Variants in PIGF observed in about 807,000 individuals in gnomAD.
PIGF encodes GPI ethanolamine phosphate transferase, stabilizing subunit.
PIGF carries 23 observed loss-of-function variants against 26.0 expected under a neutral mutation model. That is an observed-to-expected ratio of 0.88 (90% confidence interval 0.64 to 1.25). The LOEUF (loss-of-function observed/expected upper bound fraction) is 1.25, where lower values mean the gene tolerates loss of function less well. Ranked by LOEUF, PIGF falls within the 50% of genes most tolerant of loss-of-function variation. The pLI, the probability that PIGF is intolerant of heterozygous loss-of-function variation, is 0.00. For synonymous variants in PIGF, 93 were observed against 92.6 expected, an observed-to-expected ratio of 1.00 and a Z score of -0.03; for missense variants, 278 against 249.9, an observed-to-expected ratio of 1.11 and a Z score of -0.76.
intron 4 of PIGF, among the ~76,000 whole-genome samples, chr2:46,611,704 T>G (rs550741599): frequency 6.6e-6 from 1 of 152,178 alleles, no homozygotes; most frequent in African/African-American, 2.4e-5. Flanking sequence ...AACTTAGCCA[T>G]GCTGAAAATA....
intron 5 of PIGF, among the ~76,000 whole-genome samples, chr2:46,590,517 C>G (rs975580440): frequency 1.7e-5 from 1 of 59,102 alleles, no homozygotes; most frequent in Non-Finnish European, 3.2e-5. Context: ...TAATGTATTG[C>G]ATCATATACA....
intron 5 of PIGF, among the ~76,000 whole-genome samples, chr2:46,584,924 A>G (rs770162549): frequency 6.6e-6 from 1 of 152,182 alleles, no homozygotes; most frequent in Non-Finnish European, 1.5e-5. Context: ...TATTCTAAAA[A>G]TTTTTAAACT....
intron 5 of PIGF, 174 bp from the exon 6 acceptor site, chr2:46,581,765 G>A (rs1669387796): frequency 4.4e-6 from 4 of 904,550 alleles, no homozygotes; most frequent in Non-Finnish European, 6.3e-6. Context: ...ACACATTTTA[G>A]TTAATGTGCA....
rs553479846 is a variant in PIGF at position 46,608,945 on chromosome 2, A to G, written c.437+3283T>C. Among the ~76,000 whole-genome samples, 19 of 152,344 alleles carry G rather than the reference A, an allele frequency of 1.2e-4. No homozygotes were observed. In the South Asian group the frequency reaches 3.7e-3, roughly 30 times the overall value. On this transcript the variant is annotated intron_variant, in intron 4 of 5. Coordinates refer to ENST00000281382, the MANE Select transcript of PIGF (RefSeq NM_002643.4). ...AGGATTTGCAAAATGGTAAATTAGC[A>G]TTGACTTCAACTAAAGTCTCTGGCT... is the stretch of plus-strand genomic sequence containing the variant.
At chr2:46,611,576 A>C (rs1188105896) in intron 4 of PIGF, among the ~76,000 whole-genome samples, 1 of 152,218 alleles carries the variant, frequency 6.6e-6, no homozygotes, top group Non-Finnish European at 1.5e-5. Flanking sequence ...GTGCTCAAGA[A>C]GTTCTTGCTG....
At chr2:46,615,340 C>CGGCATCTTATAGATGTGCATCTAT in intron 1 of PIGF, 155 bp from the exon 2 acceptor site, 1 of 512,034 alleles carries the variant, frequency 2.0e-6, no homozygotes, top group South Asian at 2.3e-5. Context: ...GATGCACATA[C>CGGCATCTTATAGATGTGCATCTAT]AGACTTAGCT....
At chr2:46,598,690 A>G (rs1669965759) in intron 4 of PIGF, among the ~76,000 whole-genome samples, 1 of 152,120 alleles carries the variant, frequency 6.6e-6, no homozygotes, top group Non-Finnish European at 1.5e-5. Context: ...GAAGAGTGGG[A>G]ATAGGGTATG....
rs745416853 is a variant in PIGF at position 46,613,753 on chromosome 2, A to G, written c.261T>C (p.Phe87=). Residue 87 remains phenylalanine (F), a synonymous_variant, in exon 3 of 6, where the codon TTT becomes TTC. Coordinates refer to ENST00000281382, the MANE Select transcript of PIGF (RefSeq NM_002643.4). ...VTGFLKCCIY[F]LMSCFSFHVI... is the part of the protein sequence containing the mutation. ...CATGAAAGGAGAAACAAGACATAAG[A>G]AAGTAGATACAGCATTTCAAAAATC... is the stretch of plus-strand genomic sequence containing the variant. 8 of 1,552,642 alleles carry G rather than the reference A, an allele frequency of 5.2e-6. No homozygotes were observed. In the Admixed American group the frequency reaches 8.7e-5, roughly 17 times the overall value.
chr2:46,607,049 C>A (rs865960509), intron 4 of PIGF, among the ~76,000 whole-genome samples: 1 of 152,122 alleles, frequency 6.6e-6, no homozygotes, highest in Non-Finnish European at 1.5e-5. Flanking sequence ...CCAGGATAGG[C>A]AAATCTATAG....
intron 5 of PIGF, chr2:46,582,312 A>ATT (rs1387660527): frequency 5.3e-5 from 8 of 152,008 alleles, no homozygotes; most frequent in Non-Finnish European, 1.2e-4. Context: ...TTGGAGGAAA[A>ATT]TTTTCATGTT....
intron 4 of PIGF, among the ~76,000 whole-genome samples, chr2:46,593,546 C>G (rs1359032467): frequency 6.6e-6 from 1 of 152,188 alleles, no homozygotes; most frequent in Non-Finnish European, 1.5e-5. Context: ...ATTCTGCCTA[C>G]CGTTCCTATT....
At chr2:46,596,531 TTAAAG>T (rs773519411) in intron 4 of PIGF, among the ~76,000 whole-genome samples, 9 of 152,220 alleles carry the variant, frequency 5.9e-5, no homozygotes, top group Admixed American at 3.9e-4. Flanking sequence ...TGTGACATCT[TTAAAG>T]TAAAGGAGTA....
intron 4 of PIGF, among the ~76,000 whole-genome samples, chr2:46,611,347 G>C (rs185654237): frequency 1.4e-4 from 22 of 152,128 alleles, no homozygotes; most frequent in African/African-American, 5.3e-4. Flanking sequence ...AGCTGGGCAT[G>C]GTGGCATGCA....
Position 46,588,034 on chromosome 2 carries a change from C to T in PIGF, c.546+4441G>A. 1.3e-6 allele frequency: 2 copies of T among 1,493,048 alleles called. No individual in the cohort carries two copies. The highest frequency in any genetic ancestry group is 2.6e-5 in the East Asian group (1 of 38,384). The allele number at this position is 1,493,048 out of a possible 1,614,324, so 92.5% of individuals were successfully genotyped here. On this transcript the variant is annotated intron_variant, in intron 5 of 5. Transcript: ENST00000281382. This position sits in a 1 kb window ranked among gnomAD's most constrained non-coding sequence, Gnocchi z 4.1. Reference sequence around the variant, plus strand: ...CAAGATGTGTACTCCTCCCCTCTCACACTTGGACTTTCTAGTGTATAAAAT... The same window carrying T: ...CAAGATGTGTACTCCTCCCCTCTCATACTTGGACTTTCTAGTGTATAAAAT...
intron 3 of PIGF, among the ~76,000 whole-genome samples, chr2:46,612,745 T>A (rs1447839063): frequency 1.3e-5 from 2 of 152,122 alleles, no homozygotes; most frequent in African/African-American, 2.4e-5. Flanking sequence ...GTTGTAGTGG[T>A]TCTCTACAAC....
chr2:46,587,726 T>G lies in PIGF; in HGVS notation c.546+4749A>C, dbSNP rs531913327. Among the ~76,000 whole-genome samples the G allele has an allele frequency of 1.3e-5, 2 of 152,294 alleles. 1 individual carries two copies. Among genetic ancestry groups the G allele is most frequent in the South Asian group, 4.1e-4 (2 of 4,824 alleles). On this transcript the variant is annotated intron_variant, in intron 5 of 5. Coordinates refer to ENST00000281382, the MANE Select transcript of PIGF (RefSeq NM_002643.4). ...TAGTTTAAAGGCATGTGTGGATTTG[T>G]TAGGGACAAAATCATTGCATATTAG...
chr2:46,611,925 C>T (rs1670432315), intron 4 of PIGF, among the ~76,000 whole-genome samples: 1 of 151,606 alleles, frequency 6.6e-6, no homozygotes, highest in Non-Finnish European at 1.5e-5. Context: ...TCAAGGCTTT[C>T]TTTTAATAGT....
chr2:46,598,171 T>C (rs1453974531), intron 4 of PIGF, among the ~76,000 whole-genome samples: 1 of 152,214 alleles, frequency 6.6e-6, no homozygotes, highest in East Asian at 1.9e-4. Flanking sequence ...TTTCTTGTTC[T>C]CTGAATATGC....
chr2:46,596,690 G>C (rs1018177135), intron 4 of PIGF, among the ~76,000 whole-genome samples: 1 of 151,182 alleles, frequency 6.6e-6, no homozygotes, highest in South Asian at 2.1e-4. Flanking sequence ...ATTAAGTATA[G>C]ATTTTTCAAG....
Sources: allele counts gnomAD v4.1 joint callset (sites outside exome capture counted in the v4.1 genomes callset), GRCh38; gene constraint gnomAD v4.1.1; non-coding constraint Gnocchi (gnomAD v3.1); transcripts MANE v1.5; gene names NCBI Gene and HGNC (gene_info 2026-07-23, HGNC 2026-07-21).